The following ZEB2 variants were observed in gnomAD, a reference collection of about 807,000 sequenced individuals.
ZEB2 encodes zinc finger E-box binding homeobox 2.
A neutral mutation model predicts 99.9 loss-of-function variants in ZEB2; 6 were observed. The ratio of observed to expected loss-of-function variants is 0.06; its 90% CI spans 0.03 to 0.12. ZEB2 has a LOEUF of 0.12. ZEB2 is among the 10% of genes least tolerant of loss of function. The pLI, the probability that ZEB2 is intolerant of heterozygous loss-of-function variation, is 1.00. For missense variants in ZEB2, 969 were observed against 1,502.8 expected (o/e 0.64, Z 5.87); for synonymous variants, 517 against 542.5 (o/e 0.95, Z 0.65).
At position 144,399,677 on chromosome 2, in the gene ZEB2, T is replaced by C. The variant is rs747529847; in HGVS notation, c.1510A>G (p.Thr504Ala). The C allele has an allele frequency of 6.2e-7, 1 of 1,614,200 alleles. No homozygotes were observed. The highest frequency in any genetic ancestry group is 8.5e-7 in the Non-Finnish European group (1 of 1,180,028). The change falls in exon 8 of 10, where the codon ACT becomes GCT. Residue 504 changes from threonine to alanine, a missense_variant. Transcript: ENST00000627532. The surrounding 1 kb of genome is among the most constrained non-coding windows in gnomAD (Gnocchi z 5.6). Reference protein sequence around the residue: ...PCSQPEEQGVTSPNIPPVGLP... With the variant: ...PCSQPEEQGVASPNIPPVGLP... ...CCGACAGGCGGAATATTAGGAGAAGTAACTCCTTGTTCCTCAGGTTGAGAG... is the reference window on the plus strand; with the variant it reads ...CCGACAGGCGGAATATTAGGAGAAGCAACTCCTTGTTCCTCAGGTTGAGAG...
intron 4 of ZEB2, among the ~76,000 whole-genome samples, chr2:144,409,951 G>A (rs1703436744): frequency 3.4e-5 from 5 of 147,636 alleles, no homozygotes; most frequent in Admixed American, 1.4e-4. Flanking sequence ...TTGCTCTGTC[G>A]CCCAGGCTAA....
intron 2 of ZEB2, chr2:144,513,608 G>T (rs1243875485): frequency 6.5e-7 from 1 of 1,530,662 alleles, no homozygotes. Context: ...ATGCTGGAAG[G>T]TGGCGGGATG....
chr2:144,420,446 A>C (rs1252851142), intron 4 of ZEB2, among the ~76,000 whole-genome samples: 2 of 152,128 alleles, frequency 1.3e-5, no homozygotes, highest in African/African-American at 2.4e-5. Context: ...CTGGCTAGAG[A>C]ACAAGGTCAG....
chr2:144,497,856 CATATATATATATATGT>C, intron 2 of ZEB2: 1 of 1,498 alleles, frequency 6.7e-4, no homozygotes, highest in East Asian at 0.042. Context: ...TCATTCTCAA[CATATATATATATATGT>C]CATTCTCAAC....
chr2:144,390,035 G>T lies in ZEB2; in HGVS notation c.3068-7C>A. On this transcript the variant is annotated splice_polypyrimidine_tract_variant and splice_region_variant and intron_variant, in intron 9 of 9. Coordinates refer to ENST00000627532, the MANE Select transcript of ZEB2 (RefSeq NM_014795.4). ...CACTGATGTGGTCTTTTTCCTGGGA[G>T]AAAGAACAAGATGACAGGGTGATTA... is the stretch of plus-strand genomic sequence containing the variant. The T allele has an allele frequency of 6.3e-7, 1 of 1,599,632 alleles. No individual in the cohort carries two copies. The highest frequency in any genetic ancestry group is 1.1e-5 in the South Asian group (1 of 91,072).
chr2:144,447,057 T>C (rs566660720), intron 2 of ZEB2, among the ~76,000 whole-genome samples: 1 of 151,544 alleles, frequency 6.6e-6, no homozygotes, highest in South Asian at 2.1e-4. Context: ...TAACTGTAAA[T>C]TTCAGTCAAC....
intron 5 of ZEB2, 136 bp from the exon 6 acceptor site, chr2:144,404,266 G>T (rs1573721463): frequency 3.1e-6 from 3 of 963,584 alleles, no homozygotes; most frequent in Non-Finnish European, 1.6e-6. Flanking sequence ...CATTGCACCC[G>T]GCCCCCTCGC....
chr2:144,440,624 A>T (rs1267673131), intron 2 of ZEB2, among the ~76,000 whole-genome samples: 1 of 151,154 alleles, frequency 6.6e-6, no homozygotes, highest in East Asian at 1.9e-4. Context: ...TTTGGCCAGA[A>T]CAATTGAGTC....
intron 2 of ZEB2, chr2:144,512,153 A>C (rs931366533): frequency 2.3e-6 from 3 of 1,287,256 alleles, no homozygotes; most frequent in Non-Finnish European, 3.0e-6. Context: ...TAGGGCAGAC[A>C]ATCAATTGTC....
chr2:144,497,819 G>A (rs1704787770), intron 2 of ZEB2: 1 of 134,490 alleles, frequency 7.4e-6, no homozygotes, highest in African/African-American at 3.3e-5. Flanking sequence ...AAAAGACACT[G>A]TCATTCTCAA....
At chr2:144,499,564 T>G (rs946026609) in intron 2 of ZEB2, among the ~76,000 whole-genome samples, 6 of 152,194 alleles carry the variant, frequency 3.9e-5, no homozygotes, top group African/African-American at 1.4e-4. Flanking sequence ...TATTAACTGG[T>G]TTTAGATGTT....
chr2:144,444,646 CCT>C, intron 2 of ZEB2, among the ~76,000 whole-genome samples: 1 of 152,190 alleles, frequency 6.6e-6, no homozygotes, highest in East Asian at 1.9e-4. Flanking sequence ...ATCTGTTCCC[CCT>C]CTGTGCCTGT....
intron 3 of ZEB2, chr2:144,425,093 G>T (rs1703674256): frequency 1.8e-6 from 1 of 550,812 alleles, no homozygotes; most frequent in Non-Finnish European, 3.3e-6. Context: ...AAAAACAGAA[G>T]TGCTTATTTG....
At chr2:144,440,461 G>T (rs1703890413) in intron 2 of ZEB2, among the ~76,000 whole-genome samples, 2 of 139,048 alleles carry the variant, frequency 1.4e-5, no homozygotes, top group Admixed American at 7.1e-5. Context: ...CCGACCAATT[G>T]TTCAACCTCA....
intron 2 of ZEB2, among the ~76,000 whole-genome samples, chr2:144,477,326 T>C: frequency 6.6e-6 from 1 of 152,248 alleles, no homozygotes; most frequent in South Asian, 2.1e-4. Flanking sequence ...TAAACTTCCT[T>C]TGTTAAAAGT....
chr2:144,513,342 C>T (rs1481231081), intron 2 of ZEB2: 17 of 1,307,266 alleles, frequency 1.3e-5, no homozygotes, highest in Non-Finnish European at 1.7e-5. Context: ...GATCCCTGTT[C>T]TTTGCCACTG....
chr2:144,455,745 G>A (rs1379536865), intron 2 of ZEB2, among the ~76,000 whole-genome samples: 4 of 151,730 alleles, frequency 2.6e-5, no homozygotes, highest in Admixed American at 6.6e-5. Flanking sequence ...TGTTTCTCTC[G>A]TCTCTCTCTC....
At chr2:144,405,900 G>A (rs1050345663) in intron 4 of ZEB2, among the ~76,000 whole-genome samples, 1 of 152,196 alleles carries the variant, frequency 6.6e-6, no homozygotes, top group Admixed American at 6.5e-5. Context: ...GAAATAAGAT[G>A]TGGCTTAGCT....
chr2:144,440,187 G>A (rs557354731), intron 2 of ZEB2, among the ~76,000 whole-genome samples: 33 of 152,232 alleles, frequency 2.2e-4, no homozygotes, highest in Non-Finnish European at 4.1e-4. Flanking sequence ...AAGGTTCAGG[G>A]AGGCTGGAAC....
Sources: allele counts gnomAD v4.1 joint callset (sites outside exome capture counted in the v4.1 genomes callset), GRCh38; gene constraint gnomAD v4.1.1; non-coding constraint Gnocchi (gnomAD v3.1); transcripts MANE v1.5; gene names NCBI Gene and HGNC (gene_info 2026-07-23, HGNC 2026-07-21).